Variants in SEC11A observed in about 807,000 individuals in gnomAD.
SEC11A encodes the protein signal peptidase complex catalytic subunit SEC11A.
In SEC11A, 14 loss-of-function variants were observed where a neutral mutation model predicts 25.6. That is an observed-to-expected ratio of 0.55 (90% CI 0.36 to 0.85). The LOEUF is 0.85. Among genes scored for constraint, SEC11A ranks in the 40% least tolerant of loss-of-function variants. The pLI, the probability that SEC11A is intolerant of heterozygous loss-of-function variation, is 0.01. For missense variants in SEC11A, 153 were observed against 222.9 expected (o/e 0.69, Z 2.00); for synonymous variants, 83 against 76.4 (o/e 1.09, Z -0.45).
intron 2 of SEC11A, among the ~76,000 whole-genome samples, chr15:84,689,657 G>T (rs911118933): frequency 6.7e-6 from 1 of 149,520 alleles, no homozygotes; most frequent in Non-Finnish European, 1.5e-5. Context: ...ACCCAGGCTG[G>T]AGTGCAATGG....
intron 1 of SEC11A, among the ~76,000 whole-genome samples, chr15:84,707,842 C>G (rs542037817): frequency 6.6e-6 from 1 of 152,202 alleles, no homozygotes; most frequent in African/African-American, 2.4e-5. Context: ...AAGAAAATAT[C>G]TTTGTTACTA....
intron 1 of SEC11A, among the ~76,000 whole-genome samples, chr15:84,695,540 A>G (rs1403875272): frequency 6.6e-6 from 1 of 152,018 alleles, no homozygotes; most frequent in Non-Finnish European, 1.5e-5. Context: ...CTGAGGCAGG[A>G]GAATCACTTG....
chr15:84,709,561 G>A (rs1898199864), intron 1 of SEC11A, among the ~76,000 whole-genome samples: 1 of 151,954 alleles, frequency 6.6e-6, no homozygotes, highest in Non-Finnish European at 1.5e-5. Context: ...TTCTGCCTCA[G>A]CCTCCCAAGT....
rs71453259 is a variant in SEC11A, at chr15:84,689,029, C to CA, written c.162-1256dup. Among the ~76,000 whole-genome samples, 629 of 94,816 alleles carry CA rather than the reference C, an allele frequency of 6.6e-3. 4 individuals are homozygous for CA. Among genetic ancestry groups the CA allele is most frequent in the South Asian group, 0.022 (61 of 2,726 alleles). 62.2% of individuals were successfully genotyped at this position (94,816 alleles called of 152,430 possible). ...TGGGCAATACAGTGAGACTCTGTCTCAAAAAAAAAAAAAAAAGAAGAAGAA... is the reference window on the plus strand; with the variant it reads ...TGGGCAATACAGTGAGACTCTGTCTCAAAAAAAAAAAAAAAAAGAAGAAGAA... On this transcript the variant is annotated intron_variant, in intron 2 of 5. Coordinates refer to ENST00000268220, the MANE Select transcript of SEC11A (RefSeq NM_014300.4).
chr15:84,674,798 G>A (rs74926391), intron 4 of SEC11A, among the ~76,000 whole-genome samples: 2,299 of 152,152 alleles, frequency 0.015, 53 homozygotes, highest in African/African-American at 0.05. Flanking sequence ...GGGCTCCAGC[G>A]GTTCTCCCAT....
At chr15:84,706,960 C>A (rs1898112455) in intron 1 of SEC11A, among the ~76,000 whole-genome samples, 1 of 152,152 alleles carries the variant, frequency 6.6e-6, no homozygotes, top group Non-Finnish European at 1.5e-5. Context: ...GACTCAGAGA[C>A]TAGACAGACA....
chr15:84,680,157 C>T (rs1034195330), intron 4 of SEC11A, among the ~76,000 whole-genome samples: 3 of 151,372 alleles, frequency 2.0e-5, no homozygotes, highest in South Asian at 2.1e-4. Flanking sequence ...AAAAATTAGC[C>T]GGGCATGGTG....
At chr15:84,689,609 C>CTT (rs11316103) in intron 2 of SEC11A, among the ~76,000 whole-genome samples, 5 of 122,554 alleles carry the variant, frequency 4.1e-5, no homozygotes, top group Middle Eastern at 3.9e-3. Context: ...TCTTTTCTTT[C>CTT]TTTTTTTTTT....
intron 1 of SEC11A, among the ~76,000 whole-genome samples, chr15:84,693,362 A>G (rs1897666385): frequency 6.6e-6 from 1 of 150,988 alleles, no homozygotes; most frequent in South Asian, 2.1e-4. Context: ...AAAAAAAAGC[A>G]TAAGAAAAAA....
intron 2 of SEC11A, among the ~76,000 whole-genome samples, chr15:84,691,331 C>T (rs1211926884): frequency 3.3e-5 from 5 of 152,172 alleles, no homozygotes; most frequent in South Asian, 2.1e-4. Context: ...GCCTCAGCAT[C>T]CCAAATTGGT....
intron 4 of SEC11A, among the ~76,000 whole-genome samples, chr15:84,678,286 G>C (rs1272497372): frequency 6.6e-6 from 1 of 152,122 alleles, no homozygotes; most frequent in Non-Finnish European, 1.5e-5. Context: ...GTACTAGCAG[G>C]AGTATAAATG....
At chr15:84,670,429 G>A (rs1291018612) in intron 5 of SEC11A, 1 of 271,298 alleles carries the variant, frequency 3.7e-6, no homozygotes, top group African/African-American at 2.3e-5. Context: ...AGTAAAGACA[G>A]GGTTTTGTCA....
chr15:84,694,145 A>C (rs1274862233), intron 1 of SEC11A, among the ~76,000 whole-genome samples: 1 of 152,134 alleles, frequency 6.6e-6, no homozygotes, highest in Non-Finnish European at 1.5e-5. Flanking sequence ...ACTTGAGGCC[A>C]GAAGTAGGAG....
chr15:84,675,581 C>A (rs1897112628), intron 4 of SEC11A, among the ~76,000 whole-genome samples: 1 of 152,142 alleles, frequency 6.6e-6, no homozygotes, highest in South Asian at 2.1e-4. Context: ...AAGTCTTATC[C>A]ATAAAACTGA....
chr15:84,716,103 A>T lies in SEC11A; in HGVS notation c.-28T>A. On this transcript the variant is annotated 5_prime_UTR_variant, in exon 1 of 6. Transcript: ENST00000268220. Reference sequence around the variant, plus strand: ...CGGGGACGGCGAGCAGGACACCGGCAGGGGAAAGGGCGCGATGACCAGCGG... The same window carrying T: ...CGGGGACGGCGAGCAGGACACCGGCTGGGGAAAGGGCGCGATGACCAGCGG... 6.2e-7 allele frequency: 1 copy of T among 1,611,456 alleles called. No individual in the cohort carries two copies. The highest frequency in any genetic ancestry group is 8.5e-7 in the Non-Finnish European group (1 of 1,178,166).
chr15:84,712,813 C>T (rs1200565751), intron 1 of SEC11A, among the ~76,000 whole-genome samples: 1 of 152,160 alleles, frequency 6.6e-6, no homozygotes, highest in East Asian at 1.9e-4. Flanking sequence ...GCATACCCCT[C>T]TATACTGACA....
intron 1 of SEC11A, among the ~76,000 whole-genome samples, chr15:84,695,273 C>T (rs910682821): frequency 1.3e-5 from 2 of 151,000 alleles, no homozygotes; most frequent in Non-Finnish European, 3.0e-5. Context: ...GACTAGCCTG[C>T]CCAACATGGA....
intron 1 of SEC11A, among the ~76,000 whole-genome samples, chr15:84,701,205 T>C (rs564350068): frequency 8.0e-5 from 12 of 149,150 alleles, no homozygotes; most frequent in African/African-American, 2.9e-4. Flanking sequence ...CATGGTGGCA[T>C]GCACTTATAG....
chr15:84,706,054 C>T (rs372328871), intron 1 of SEC11A, among the ~76,000 whole-genome samples: 1 of 151,548 alleles, frequency 6.6e-6, no homozygotes. Flanking sequence ...AATACAGGTG[C>T]CCGCCACAAT....
Sources: allele counts gnomAD v4.1 joint callset (sites outside exome capture counted in the v4.1 genomes callset), GRCh38; gene constraint gnomAD v4.1.1; transcripts MANE v1.5; gene names NCBI Gene and HGNC (gene_info 2026-07-23, HGNC 2026-07-21).